DIAPH3: variants seen among roughly 807,000 people sequenced by gnomAD.
The protein encoded by DIAPH3 is diaphanous related formin 3, also known as protein diaphanous homolog 3.
In DIAPH3, 117 loss-of-function variants were observed where a neutral mutation model predicts 144.3. That is an observed-to-expected ratio of 0.81 (90% CI 0.70 to 0.95). DIAPH3 has a LOEUF of 0.95. DIAPH3 is among the 40% of genes least tolerant of loss of function. The pLI, the probability that DIAPH3 is intolerant of heterozygous loss-of-function variation, is 0.00. For synonymous variants in DIAPH3, 519 were observed against 488.9 expected (o/e 1.06, Z -0.81); for missense variants, 1,421 against 1,412.7 (o/e 1.01, Z -0.09).
chr13:59,689,395 T>C (rs1410332685), intron 27 of DIAPH3, among the ~76,000 whole-genome samples: 4 of 151,786 alleles, frequency 2.6e-5, no homozygotes, highest in Non-Finnish European at 5.9e-5. Context: ...ATAAAACCGA[T>C]GAAGGATTGA....
intron 1 of DIAPH3, among the ~76,000 whole-genome samples, chr13:60,148,847 G>A (rs1345811820): frequency 6.6e-6 from 1 of 152,166 alleles, no homozygotes; most frequent in African/African-American, 2.4e-5. Flanking sequence ...TATGCTACAT[G>A]AACTCCCCAG....
At chr13:59,673,513 T>C (rs1015113650) in intron 27 of DIAPH3, among the ~76,000 whole-genome samples, 2 of 152,206 alleles carry the variant, frequency 1.3e-5, no homozygotes, top group Admixed American at 1.3e-4. Flanking sequence ...GATGAATAGT[T>C]TGAAACCCTA....
At chr13:59,989,534 A>G (rs930185236) in intron 12 of DIAPH3, among the ~76,000 whole-genome samples, 1 of 151,892 alleles carries the variant, frequency 6.6e-6, no homozygotes, top group African/African-American at 2.4e-5. Context: ...TGGAATCAAG[A>G]TACCCGGGGT....
intron 2 of DIAPH3, among the ~76,000 whole-genome samples, chr13:60,113,864 C>A (rs985700506): frequency 1.3e-5 from 2 of 152,200 alleles, no homozygotes; most frequent in African/African-American, 4.8e-5. Context: ...GAAGCCCCAG[C>A]CATTTGGCAA....
chr13:60,150,965 G>C (rs1475354260), intron 1 of DIAPH3, among the ~76,000 whole-genome samples: 1 of 152,040 alleles, frequency 6.6e-6, no homozygotes, highest in African/African-American at 2.4e-5. Context: ...ATGTACAGAG[G>C]CTGTAGTAGG....
intron 27 of DIAPH3, among the ~76,000 whole-genome samples, chr13:59,678,941 A>T (rs2032784317): frequency 6.6e-6 from 1 of 152,244 alleles, no homozygotes; most frequent in South Asian, 2.1e-4. Flanking sequence ...ACTACATGAC[A>T]ACTCAGGATA....
chr13:59,749,519 C>CAAAAAA (rs60918644), intron 27 of DIAPH3, among the ~76,000 whole-genome samples: 4 of 51,196 alleles, frequency 7.8e-5, no homozygotes, highest in Admixed American at 2.5e-4. Context: ...GACTCCATCT[C>CAAAAAA]AAAAAAAAAA....
At chr13:59,702,103 G>T (rs1003810002) in intron 27 of DIAPH3, among the ~76,000 whole-genome samples, 2 of 152,028 alleles carry the variant, frequency 1.3e-5, no homozygotes, top group Non-Finnish European at 2.9e-5. Context: ...CAACCTCAAC[G>T]AATAAAGATT....
intron 2 of DIAPH3, among the ~76,000 whole-genome samples, chr13:60,112,620 G>A (rs548757204): frequency 3.3e-5 from 5 of 152,228 alleles, no homozygotes; most frequent in African/African-American, 7.2e-5. Flanking sequence ...TCTCGGAGTG[G>A]GGGTGGGAGG....
chr13:59,770,662 T>C (rs1330634268), intron 27 of DIAPH3, among the ~76,000 whole-genome samples: 1 of 152,150 alleles, frequency 6.6e-6, no homozygotes. Flanking sequence ...AAGTCTCAGC[T>C]TGCATTTCAG....
chr13:59,810,076 A>C (rs1177128165), intron 25 of DIAPH3, among the ~76,000 whole-genome samples: 4 of 152,176 alleles, frequency 2.6e-5, no homozygotes, highest in Non-Finnish European at 4.4e-5. Flanking sequence ...CCAGTCTCTA[A>C]AAGATACTTT....
chr13:59,914,021 G>A (rs1449834050), intron 19 of DIAPH3, among the ~76,000 whole-genome samples: 4 of 151,370 alleles, frequency 2.6e-5, no homozygotes, highest in Admixed American at 1.3e-4. Context: ...TGGACATGTT[G>A]CATAAAATAA....
intron 24 of DIAPH3, among the ~76,000 whole-genome samples, chr13:59,825,187 C>T (rs1050370325): frequency 6.6e-6 from 1 of 152,016 alleles, no homozygotes; most frequent in African/African-American, 2.4e-5. Flanking sequence ...TCCCTCCCCT[C>T]TCCCCCTACC....
intron 2 of DIAPH3, among the ~76,000 whole-genome samples, chr13:60,113,111 T>A (rs965488223): frequency 1.3e-5 from 2 of 152,238 alleles, no homozygotes; most frequent in African/African-American, 4.8e-5. Context: ...ACGTATACTG[T>A]ATATAAACCT....
At chr13:60,076,430 C>T (rs1231008752) in intron 4 of DIAPH3, among the ~76,000 whole-genome samples, 1 of 152,182 alleles carries the variant, frequency 6.6e-6, no homozygotes, top group Non-Finnish European at 1.5e-5. Context: ...ATAGGCTCTG[C>T]AGTCTCTTTT....
At position 59,961,063 on chromosome 13, in the gene DIAPH3, T is replaced by C. The variant is rs558556139; in HGVS notation, c.2074+8881A>G. Among the ~76,000 whole-genome samples, 3 of 152,342 alleles carry C rather than the reference T, an allele frequency of 2.0e-5. No homozygotes were observed. The South Asian group carries it at 6.2e-4, about 32-fold the overall frequency. ...TGTTACAGTAGTCTCCATAAGTGGC[T>C]ATTAACATAGGTCAGTTAACACAGT... On this transcript the variant is annotated intron_variant, in intron 17 of 27. Coordinates refer to ENST00000400324, the MANE Select transcript of DIAPH3 (RefSeq NM_001042517.2).
At chr13:59,957,768 C>G (rs1712443026) in intron 17 of DIAPH3, among the ~76,000 whole-genome samples, 1 of 151,964 alleles carries the variant, frequency 6.6e-6, no homozygotes, top group Non-Finnish European at 1.5e-5. Context: ...TCAGAAAAAG[C>G]CTAACTTTAA....
At chr13:59,900,338 GTTTT>G (rs569550476) in intron 20 of DIAPH3, among the ~76,000 whole-genome samples, 1 of 151,966 alleles carries the variant, frequency 6.6e-6, no homozygotes, top group Non-Finnish European at 1.5e-5. Flanking sequence ...GAGGCAAAAA[GTTTT>G]TTTTCTTTCA....
At chr13:60,041,533 G>A (rs1340760217) in intron 5 of DIAPH3, among the ~76,000 whole-genome samples, 1 of 152,066 alleles carries the variant, frequency 6.6e-6, no homozygotes, top group Non-Finnish European at 1.5e-5. Flanking sequence ...AGGTAAGGTT[G>A]TTTTCTTTTA....
Sources: gnomAD v4.1 joint callset for allele counts (sites outside exome capture counted in the v4.1 genomes callset) on GRCh38, gnomAD v4.1.1 for gene constraint, MANE v1.5 for transcripts, NCBI Gene and HGNC (gene_info 2026-07-23, HGNC 2026-07-21) for gene names.